Variants in TCFL5 observed in about 807,000 individuals in gnomAD.
The protein encoded by TCFL5 is transcription factor-like 5 protein.
A neutral mutation model predicts 44.3 loss-of-function variants in TCFL5; 9 were observed. That is an observed-to-expected ratio of 0.20 (90% CI 0.12 to 0.35). The LOEUF (loss-of-function observed/expected upper bound fraction) is 0.35. Among genes scored for constraint, TCFL5 ranks in the 10% least tolerant of loss-of-function variants. The probability of loss-of-function intolerance (pLI) is 1.00; values close to 1 mark genes in which losing one functional copy is unlikely to be tolerated. For synonymous variants in TCFL5, 319 were observed against 271.6 expected, an observed-to-expected ratio of 1.17 and a Z score of -1.72; for missense variants, 603 against 613.4, an observed-to-expected ratio of 0.98 and a Z score of 0.18.
At chr20:62,851,737 C>T in intron 5 of TCFL5, 12 of 985,420 alleles carry the variant, frequency 1.2e-5, no homozygotes, top group Non-Finnish European at 1.3e-5. Context: ...TATTGCCTGG[C>T]GCTGAAGAGA....
chr20:62,845,863 G>A lies in TCFL5; in HGVS notation c.1381-3766C>T, dbSNP rs1299481970. 4 of 1,578,388 alleles carry A rather than the reference G, an allele frequency of 2.5e-6. No individual in the cohort carries two copies. The South Asian group carries it at 3.4e-5, about 13-fold the overall frequency. ...TATGACAAAGATCAGTTTGCGTGTGGAGAAACAGTGCCAGTGCCTTCAGTC... is the reference window on the plus strand; with the variant it reads ...TATGACAAAGATCAGTTTGCGTGTGAAGAAACAGTGCCAGTGCCTTCAGTC... On this transcript the variant is annotated intron_variant, in intron 5 of 5. Coordinates refer to ENST00000335351, the MANE Select transcript of TCFL5 (RefSeq NM_006602.4).
chr20:62,857,302 GCAGAAACGGCTAAGGATCACT>G, intron 4 of TCFL5, 72 bp downstream of exon 4: 1 of 1,514,910 alleles, frequency 6.6e-7, no homozygotes, highest in Non-Finnish European at 9.0e-7. Context: ...CCCTCTGAAC[GCAGAAACGGCTAAGGATCACT>G]CATCTGTGAT....
chr20:62,859,373 T>C lies in TCFL5; in HGVS notation c.985A>G (p.Lys329Glu). ...CTGCTTCATCGCTTACCTCCCACTT[T>C]AATCCAAACTTGCTCAGGCAAAACT... ...NKVLPEQVWI[K>E]VGEAALCKQA... Residue 329 changes from lysine to glutamate, a missense_variant, in exon 3 of 6, where the codon AAA becomes GAA. By Grantham distance (56) the Lys-to-Glu change is moderately conservative. This residue lies in a region of TCFL5 where 540 missense variants were observed against 478.7 expected (regional missense o/e 1.13). Transcript: ENST00000335351. 1 of 1,605,948 alleles carries C rather than the reference T, an allele frequency of 6.2e-7. No homozygotes were observed. Among genetic ancestry groups the C allele is most frequent in the Non-Finnish European group, 8.5e-7 (1 of 1,174,128 alleles).
At chr20:62,859,976 TGGGATTACAGGTGTC>T (rs1347374216) in intron 2 of TCFL5, 134 bp downstream of exon 2, 1 of 754,298 alleles carries the variant, frequency 1.3e-6, no homozygotes, top group African/African-American at 1.8e-5. Flanking sequence ...CCCAAAGTGC[TGGGATTACAGGTGTC>T]GGCCTTGGCG....
chr20:62,857,708 T>G, intron 3 of TCFL5, 70 bp from the exon 4 acceptor site: 1 of 1,549,802 alleles, frequency 6.5e-7, no homozygotes, highest in Non-Finnish European at 8.7e-7. Context: ...AATACAGTTT[T>G]GGCCTTTTCA....
At chr20:62,853,304 C>G (rs1269407237) in intron 5 of TCFL5, among the ~76,000 whole-genome samples, 5 of 143,494 alleles carry the variant, frequency 3.5e-5, no homozygotes, top group Non-Finnish European at 7.5e-5. Context: ...AAGTCCAGAT[C>G]AGACTATTTG....
intron 5 of TCFL5, among the ~76,000 whole-genome samples, 194 bp downstream of exon 5, chr20:62,853,822 T>C (rs1376242795): frequency 2.6e-5 from 4 of 152,186 alleles, no homozygotes; most frequent in Non-Finnish European, 5.9e-5. Context: ...GTGTAACACA[T>C]GTAGGCTGTG....
chr20:62,844,741 A>G (rs1600824774), intron 5 of TCFL5: 2 of 313,644 alleles, frequency 6.4e-6, no homozygotes, highest in South Asian at 2.5e-4. Flanking sequence ...GATTACAGGC[A>G]CCTGCCACCA....
intron 2 of TCFL5, 46 bp downstream of exon 2, chr20:62,860,079 C>G (rs370204773): frequency 1.9e-6 from 3 of 1,541,500 alleles, no homozygotes; most frequent in Non-Finnish European, 8.8e-7. Flanking sequence ...TTAAAATTTA[C>G]CCATTTAATA....
chr20:62,845,972 A>G, intron 5 of TCFL5: 1 of 1,439,916 alleles, frequency 6.9e-7, no homozygotes, highest in East Asian at 3.3e-5. Context: ...AGAAACTTCA[A>G]ATGCAAAGCT....
intron 1 of TCFL5, among the ~76,000 whole-genome samples, chr20:62,860,567 C>T (rs958666819): frequency 6.6e-6 from 1 of 152,250 alleles, no homozygotes; most frequent in African/African-American, 2.4e-5. Flanking sequence ...AGTGTGACCA[C>T]GATGGGCAAC....
chr20:62,847,344 GA>G (rs2063756924), intron 5 of TCFL5, among the ~76,000 whole-genome samples: 1 of 151,954 alleles, frequency 6.6e-6, no homozygotes, highest in African/African-American at 2.4e-5. Flanking sequence ...CAAGATACCA[GA>G]AAAAAATAAA....
rs755112151 is a variant in TCFL5 at position 62,845,856 on chromosome 20, G to T, written c.1381-3759C>A. The T allele has an allele frequency of 4.4e-6, 7 of 1,584,142 alleles. No individual in the cohort carries two copies. The African/African-American group carries it at 6.7e-5, about 15-fold the overall frequency. On this transcript the variant is annotated intron_variant, in intron 5 of 5. Coordinates refer to ENST00000335351, the MANE Select transcript of TCFL5 (RefSeq NM_006602.4). ...AGTGATTTATGACAAAGATCAGTTT[G>T]CGTGTGGAGAAACAGTGCCAGTGCC...
intron 5 of TCFL5, among the ~76,000 whole-genome samples, chr20:62,853,560 A>T (rs1231739603): frequency 1.3e-5 from 2 of 152,206 alleles, no homozygotes; most frequent in Non-Finnish European, 2.9e-5. Flanking sequence ...CATGTTGCCC[A>T]GGCTGGTCTC....
intron 5 of TCFL5, chr20:62,851,798 C>T: frequency 2.0e-6 from 2 of 985,386 alleles, no homozygotes; most frequent in Non-Finnish European, 2.4e-6. Context: ...TCTAGCCCCA[C>T]CATGACGTAG....
At chr20:62,845,616 T>C in intron 5 of TCFL5, 2 of 1,591,014 alleles carry the variant, frequency 1.3e-6, no homozygotes, top group Non-Finnish European at 1.7e-6. Flanking sequence ...CCCTCGGAGC[T>C]GGTCTCGGAC....
chr20:62,858,282 T>C (rs1178680436), intron 3 of TCFL5, among the ~76,000 whole-genome samples: 1 of 152,248 alleles, frequency 6.6e-6, no homozygotes, highest in African/African-American at 2.4e-5. Context: ...CACAGGCACG[T>C]GACTGGCAGG....
intron 5 of TCFL5, among the ~76,000 whole-genome samples, chr20:62,847,314 G>A (rs536002604): frequency 6.6e-6 from 1 of 151,846 alleles, no homozygotes; most frequent in South Asian, 2.1e-4. Context: ...AAACAACATA[G>A]ACAAAATAAA....
chr20:62,846,217 A>G, intron 5 of TCFL5: 1 of 748,978 alleles, frequency 1.3e-6, no homozygotes, highest in Non-Finnish European at 1.9e-6. Flanking sequence ...AGACATAACT[A>G]GGCGCTCGCA....
Sources: gnomAD v4.1 joint callset for allele counts (sites outside exome capture counted in the v4.1 genomes callset) on GRCh38, gnomAD v4.1.1 for gene constraint, gnomAD v4.1.1 regional missense constraint, MANE v1.5 for transcripts, NCBI Gene and HGNC (gene_info 2026-07-23, HGNC 2026-07-21) for gene names.